NKAIN3: variants seen among roughly 807,000 people sequenced by gnomAD.
The protein encoded by NKAIN3 is sodium/potassium-transporting ATPase subunit beta-1-interacting protein 3.
A neutral mutation model predicts 30.2 loss-of-function variants in NKAIN3; 25 were observed. The observed-to-expected ratio is 0.83, with a 90% CI of 0.60 to 1.16. The LOEUF (loss-of-function observed/expected upper bound fraction) is 1.16, where lower values mean the gene tolerates loss of function less well. Ranked by LOEUF, NKAIN3 falls within the 50% of genes most tolerant of loss-of-function variation. The pLI is 0.00. For missense variants in NKAIN3, 225 were observed against 254.1 expected, an observed-to-expected ratio of 0.89 and a Z score of 0.78; for synonymous variants, 91 against 89.6, an observed-to-expected ratio of 1.02 and a Z score of -0.09.
intron 4 of NKAIN3, among the ~76,000 whole-genome samples, chr8:62,795,112 C>T (rs549895187): frequency 1.3e-5 from 2 of 152,272 alleles, no homozygotes; most frequent in African/African-American, 4.8e-5. Flanking sequence ...GATTCTCAGA[C>T]CTGTCTGAGT....
chr8:62,303,694 A>G (rs1814130090), intron 1 of NKAIN3, among the ~76,000 whole-genome samples: 1 of 150,710 alleles, frequency 6.6e-6, no homozygotes, highest in Non-Finnish European at 1.5e-5. Context: ...GAAAAAAATC[A>G]GATAACTTCA....
intron 1 of NKAIN3, among the ~76,000 whole-genome samples, chr8:62,450,509 C>T (rs1805608864): frequency 6.6e-6 from 1 of 152,144 alleles, no homozygotes; most frequent in Non-Finnish European, 1.5e-5. Flanking sequence ...TTGCTATGTG[C>T]CAGGCACTGC....
intron 4 of NKAIN3, among the ~76,000 whole-genome samples, chr8:62,751,054 A>C (rs1008844032): frequency 2.0e-5 from 3 of 152,120 alleles, no homozygotes; most frequent in Non-Finnish European, 4.4e-5. Flanking sequence ...AGTGATTCTC[A>C]TCACCTTCAG....
chr8:62,919,670 C>A (rs955706327), intron 5 of NKAIN3, among the ~76,000 whole-genome samples: 24 of 152,164 alleles, frequency 1.6e-4, no homozygotes, highest in African/African-American at 5.6e-4. Context: ...GAATTTGTAA[C>A]AAAATGAAGC....
At chr8:62,819,330 G>A (rs72653275) in intron 4 of NKAIN3, among the ~76,000 whole-genome samples, 4 of 151,854 alleles carry the variant, frequency 2.6e-5, no homozygotes, top group Non-Finnish European at 5.9e-5. Flanking sequence ...GACATATGAT[G>A]AATAAAAAGT....
intron 1 of NKAIN3, among the ~76,000 whole-genome samples, chr8:62,550,512 T>C (rs953307456): frequency 3.3e-5 from 5 of 152,232 alleles, no homozygotes; most frequent in African/African-American, 1.2e-4. Flanking sequence ...TGGCATTGGC[T>C]GAATTGAACT....
In NKAIN3 at chr8:62,919,227, A is replaced by ATTTTTTTTTTTTT. The variant is rs71255371; in HGVS notation, c.532+737_532+749dup. Among the ~76,000 whole-genome samples, 54 of 47,188 alleles carry ATTTTTTTTTTTTT rather than the reference A, an allele frequency of 1.1e-3. 5 individuals carry two copies. The highest frequency in any genetic ancestry group is 3.1e-3 in the East Asian group (5 of 1,608). The allele number at this position is 47,188 out of a possible 152,430, so 31.0% of individuals were successfully genotyped here. A position where few individuals can be genotyped will look rare whatever the true frequency, so the allele number is the denominator to read the frequency against. The stretch of plus-strand genomic sequence containing the variant: ...TCACTTTTTTTTATTTACTTTCAAA[A>ATTTTTTTTTTTTT]TTTTTTTTTTTTTTTTTTTTTTTTT... On this transcript the variant is annotated intron_variant, in intron 5 of 6. Transcript: ENST00000623646.
intron 4 of NKAIN3, among the ~76,000 whole-genome samples, chr8:62,909,700 C>A (rs200771591): frequency 6.6e-6 from 1 of 151,198 alleles, no homozygotes; most frequent in African/African-American, 2.4e-5. Flanking sequence ...ATCACAATAG[C>A]AAAAGTAATT....
chr8:62,781,123 A>G (rs1563558465), intron 4 of NKAIN3, among the ~76,000 whole-genome samples: 1 of 152,034 alleles, frequency 6.6e-6, no homozygotes, highest in South Asian at 2.1e-4. Context: ...AGTAGCATTT[A>G]TATATGCAAA....
intron 3 of NKAIN3, among the ~76,000 whole-genome samples, chr8:62,592,496 A>C (rs2130114603): frequency 6.6e-6 from 1 of 152,154 alleles, no homozygotes; most frequent in Non-Finnish European, 1.5e-5. Context: ...AATATAACTA[A>C]ATAACTAATT....
At chr8:62,321,444 TC>T (rs1242197299) in intron 1 of NKAIN3, among the ~76,000 whole-genome samples, 1 of 152,178 alleles carries the variant, frequency 6.6e-6, no homozygotes, top group East Asian at 1.9e-4. Context: ...CTCTGTTTCT[TC>T]CCCATCTTTG....
chr8:62,934,236 A>G (rs952285208), intron 5 of NKAIN3, among the ~76,000 whole-genome samples: 1 of 152,144 alleles, frequency 6.6e-6, no homozygotes, highest in South Asian at 2.1e-4. Flanking sequence ...AAGGAAAGAA[A>G]GAAAAGTAGC....
At chr8:62,340,730 G>T (rs1217530505) in intron 1 of NKAIN3, among the ~76,000 whole-genome samples, 1 of 152,076 alleles carries the variant, frequency 6.6e-6, no homozygotes, top group East Asian at 2.0e-4. Flanking sequence ...GCAGGCTAGG[G>T]TGATCAGATA....
At chr8:62,269,158 C>T (rs926580926) in intron 1 of NKAIN3, among the ~76,000 whole-genome samples, 2 of 152,098 alleles carry the variant, frequency 1.3e-5, no homozygotes, top group African/African-American at 4.8e-5. Flanking sequence ...GAACATTGCT[C>T]AATAAAACCC....
At chr8:62,294,304 G>A (rs768113993) in intron 1 of NKAIN3, among the ~76,000 whole-genome samples, 2 of 152,092 alleles carry the variant, frequency 1.3e-5, no homozygotes, top group South Asian at 2.1e-4. Context: ...CATCACTTAC[G>A]CTGGGAGCTG....
At chr8:62,661,491 G>A (rs1370796879) in intron 3 of NKAIN3, among the ~76,000 whole-genome samples, 1 of 152,210 alleles carries the variant, frequency 6.6e-6, no homozygotes, top group Non-Finnish European at 1.5e-5. Flanking sequence ...CTGGGGCCAA[G>A]AAGGTGGGGG....
In NKAIN3 at chr8:62,969,815, T is replaced by C. The variant is rs910129790; in HGVS notation, c.*4408T>C. On this transcript the variant is annotated 3_prime_UTR_variant, in exon 7 of 7. Transcript: ENST00000623646. The stretch of plus-strand genomic sequence containing the variant: ...ACCATGTTGAAATATTTGTGATAAA[T>C]AGGCCACAACTTAAGGATATTATGC... Among the ~76,000 whole-genome samples, 2 of 152,158 alleles carry C rather than the reference T, an allele frequency of 1.3e-5. No homozygotes were observed. Among genetic ancestry groups the C allele is most frequent in the African/African-American group, 4.8e-5 (2 of 41,418 alleles).
At chr8:62,720,576 G>A (rs1815056530) in intron 3 of NKAIN3, among the ~76,000 whole-genome samples, 1 of 152,120 alleles carries the variant, frequency 6.6e-6, no homozygotes, top group Non-Finnish European at 1.5e-5. Context: ...CTTTTCTCCT[G>A]TGCCCAGGCA....
rs373923696 is a variant in NKAIN3 at position 62,398,814 on chromosome 8, G to A, written c.54+149687G>A. Among the ~76,000 whole-genome samples the A allele has an allele frequency of 1.6e-4, 24 of 152,146 alleles. No individual in the cohort carries two copies. In the East Asian group the frequency reaches 3.5e-3, roughly 22 times the overall value. ...TGTTAAATATAAGAAATTATAGGCC[G>A]GGAGCATTGGCTCATGCCTGTAATC... On this transcript the variant is annotated intron_variant, in intron 1 of 6. Coordinates refer to ENST00000623646, the MANE Select transcript of NKAIN3 (RefSeq NM_001304533.3).
Sources: gnomAD v4.1 joint callset for allele counts (sites outside exome capture counted in the v4.1 genomes callset) on GRCh38, gnomAD v4.1.1 for gene constraint, MANE v1.5 for transcripts, NCBI Gene and HGNC (gene_info 2026-07-23, HGNC 2026-07-21) for gene names.